MTHFD1: variants seen among roughly 807,000 people sequenced by gnomAD.
MTHFD1 encodes the protein C-1-tetrahydrofolate synthase, cytoplasmic.
In MTHFD1, 44 loss-of-function variants were observed where a neutral mutation model predicts 110.3. The observed-to-expected ratio is 0.40, with a 90% CI of 0.31 to 0.51. The LOEUF (loss-of-function observed/expected upper bound fraction) is 0.51. Ranked by LOEUF, MTHFD1 falls within the 20% of genes least tolerant of loss-of-function variation. The pLI, the probability that MTHFD1 is intolerant of heterozygous loss-of-function variation, is 0.60. For synonymous variants in MTHFD1, 402 were observed against 428.8 expected (o/e 0.94, Z 0.77); for missense variants, 909 against 1,173.1 (o/e 0.77, Z 3.29).
intron 26 of MTHFD1, 51 bp from the exon 27 acceptor site, chr14:64,458,163 G>T: frequency 1.4e-6 from 2 of 1,397,152 alleles, no homozygotes; most frequent in Non-Finnish European, 2.0e-6. Flanking sequence ...TTATAGGCGT[G>T]AGCCACTGTG....
At chr14:64,420,993 G>A (rs17824591) in intron 8 of MTHFD1, among the ~76,000 whole-genome samples, 23,333 of 152,138 alleles carry the variant, frequency 0.15, 2,224 homozygotes, top group Middle Eastern at 0.26. Flanking sequence ...AATCTTTAAC[G>A]GAGCAACTAC....
chr14:64,390,294 A>G (rs945422342), intron 1 of MTHFD1: 1 of 151,172 alleles, frequency 6.6e-6, no homozygotes, highest in South Asian at 2.1e-4. Context: ...TAGTTAATGT[A>G]TATATGAATG....
At chr14:64,432,730 C>T (rs1476850371) in intron 15 of MTHFD1, among the ~76,000 whole-genome samples, 1 of 152,128 alleles carries the variant, frequency 6.6e-6, no homozygotes, top group Non-Finnish European at 1.5e-5. Flanking sequence ...CATAAAGGAA[C>T]AGCAAAGGAG....
intron 7 of MTHFD1, among the ~76,000 whole-genome samples, chr14:64,418,522 G>A (rs2078044150): frequency 6.6e-6 from 1 of 150,742 alleles, no homozygotes; most frequent in Non-Finnish European, 1.5e-5. Context: ...TACAGAGTTT[G>A]TTCTGTGTAC....
At chr14:64,428,607 A>G (rs949649427) in intron 12 of MTHFD1, among the ~76,000 whole-genome samples, 2 of 146,344 alleles carry the variant, frequency 1.4e-5, no homozygotes, top group African/African-American at 5.1e-5. Flanking sequence ...GGGCTGGAGT[A>G]CAGTGGCACG....
intron 22 of MTHFD1, among the ~76,000 whole-genome samples, chr14:64,447,101 C>T (rs150478406): frequency 1.6e-4 from 24 of 150,886 alleles, no homozygotes; most frequent in African/African-American, 5.1e-4. Context: ...ATCTCAGCCT[C>T]GCAAAGTACT....
At chr14:64,441,276 A>G (rs11629354) in intron 18 of MTHFD1, 109 bp from the exon 19 acceptor site, 112,616 of 994,642 alleles carry the variant, frequency 0.11, 7,133 homozygotes, top group East Asian at 0.17. Context: ...GAAAGTATCA[A>G]TTGGTCCAAG....
In MTHFD1 at chr14:64,414,963, ACAGTCGTGAAC is replaced by A. The variant is rs562828075; in HGVS notation, c.241-392_241-382del. Among the ~76,000 whole-genome samples, 841 of 152,190 alleles carry A rather than the reference ACAGTCGTGAAC, an allele frequency of 5.5e-3. 9 individuals carry two copies. The highest frequency in any genetic ancestry group is 0.019 in the African/African-American group (800 of 41,512). On this transcript the variant is annotated intron_variant, in intron 4 of 27. Coordinates refer to ENST00000652337, the MANE Select transcript of MTHFD1 (RefSeq NM_005956.4). Reference sequence around the variant, plus strand: ...CTCAGCCTCCCAAAGTGCTGGAATTACAGTCGTGAACCACCGCACCCAGCCCCTGGCCCTAA... The same window carrying A: ...CTCAGCCTCCCAAAGTGCTGGAATTACACCGCACCCAGCCCCTGGCCCTAA...
At chr14:64,421,215 G>A (rs776004254) in intron 8 of MTHFD1, among the ~76,000 whole-genome samples, 1 of 152,066 alleles carries the variant, frequency 6.6e-6, no homozygotes, top group African/African-American at 2.4e-5. Context: ...TTTGTTGCAT[G>A]TGTCTCATGT....
intron 24 of MTHFD1, among the ~76,000 whole-genome samples, chr14:64,450,482 G>T (rs535053284): frequency 2.8e-4 from 42 of 152,174 alleles, no homozygotes; most frequent in African/African-American, 9.9e-4. Flanking sequence ...ATTACACCTG[G>T]TCTAAGTAGA....
At chr14:64,444,780 C>T in intron 22 of MTHFD1, 46 bp downstream of exon 22, 1 of 1,595,810 alleles carries the variant, frequency 6.3e-7, no homozygotes, top group Non-Finnish European at 8.6e-7. Context: ...AGCACCACAC[C>T]TTGAATCAGC....
intron 24 of MTHFD1, among the ~76,000 whole-genome samples, chr14:64,452,624 A>T (rs923911751): frequency 6.6e-6 from 1 of 152,222 alleles, no homozygotes; most frequent in East Asian, 1.9e-4. Context: ...GACATGCCCA[A>T]TGCGTGTTGA....
chr14:64,435,713 T>TG (rs747966943), intron 16 of MTHFD1, 42 bp downstream of exon 16: 173 of 1,129,040 alleles, frequency 1.5e-4, no homozygotes, highest in Non-Finnish European at 2.2e-4. Context: ...TTGGCTATAT[T>TG]GCACACCCTA....
Position 64,388,393 on chromosome 14 carries a change from T to A in MTHFD1, c.-35T>A. 1 of 1,614,148 alleles carries A rather than the reference T, an allele frequency of 6.2e-7. No individual in the cohort carries two copies. Among genetic ancestry groups the A allele is most frequent in the Non-Finnish European group, 8.5e-7 (1 of 1,180,028 alleles). On this transcript the variant is annotated 5_prime_UTR_variant, in exon 1 of 28. Transcript: ENST00000652337. ...GGAGGGAGTGGAACCTCGATATTGG[T>A]GGTGTCCATCGTGGGCAGCGGACTA... is the stretch of plus-strand genomic sequence containing the variant.
At position 64,415,679 on chromosome 14, in the gene MTHFD1, C is replaced by T; in HGVS notation, c.418C>T (p.Leu140Phe). 2 of 1,613,782 alleles carry T rather than the reference C, an allele frequency of 1.2e-6. No homozygotes were observed. Among genetic ancestry groups the T allele is most frequent in the Non-Finnish European group, 1.7e-6 (2 of 1,179,720 alleles). ...TGCTGGGAAACTTGCTAGAGGTGACCTCAATGACTGTTTCATTCCTTGTAC... is the reference window on the plus strand; with the variant it reads ...TGCTGGGAAACTTGCTAGAGGTGACTTCAATGACTGTTTCATTCCTTGTAC... ...INAGKLARGDLNDCFIPCTPK... is the reference protein window; with the variant it reads ...INAGKLARGDFNDCFIPCTPK... The change falls in exon 6 of 28, where the codon CTC (leucine) becomes TTC (phenylalanine). Residue 140 changes from leucine (L) to phenylalanine (F), a missense_variant. Physicochemically the swap from Leu to Phe is conservative, Grantham distance 22. Coordinates refer to ENST00000652337, the MANE Select transcript of MTHFD1 (RefSeq NM_005956.4).
chr14:64,453,485 C>T (rs1474127954), intron 24 of MTHFD1, among the ~76,000 whole-genome samples: 1 of 152,106 alleles, frequency 6.6e-6, no homozygotes, highest in Non-Finnish European at 1.5e-5. Flanking sequence ...GCAGGAGAAT[C>T]GCTTGAACCT....
At chr14:64,446,158 A>G (rs1175232655) in intron 22 of MTHFD1, among the ~76,000 whole-genome samples, 1 of 152,358 alleles carries the variant, frequency 6.6e-6, no homozygotes, top group Non-Finnish European at 1.5e-5. Context: ...ATAATTAAAC[A>G]TTATAAGAAT....
chr14:64,395,789 A>T (rs1038159825), intron 1 of MTHFD1, among the ~76,000 whole-genome samples: 1 of 152,144 alleles, frequency 6.6e-6, no homozygotes, highest in African/African-American at 2.4e-5. Flanking sequence ...ATAACAAAGG[A>T]TGATCTGGTC....
chr14:64,441,324 GT>G lies in MTHFD1; in HGVS notation c.1816-58del, dbSNP rs1014633222. The G allele has an allele frequency of 6.4e-5, 96 of 1,497,134 alleles. 1 individual carries two copies. In the African/African-American group the frequency reaches 1.0e-3, roughly 16 times the overall value. 92.7% of individuals were successfully genotyped at this position (1,497,134 alleles called of 1,614,324 possible). A position where few individuals can be genotyped will look rare whatever the true frequency, so the allele number is the denominator to read the frequency against. Reference sequence around the variant, plus strand: ...GGTAAGCCTAGAATGTCAAATATTGGTTTCAGAAGGTTGGGTTTTTTTGCTG... The same window carrying G: ...GGTAAGCCTAGAATGTCAAATATTGGTTCAGAAGGTTGGGTTTTTTTGCTG... On this transcript the variant is annotated intron_variant, in intron 18 of 27. Transcript: ENST00000652337.
Sources: allele counts gnomAD v4.1 joint callset (sites outside exome capture counted in the v4.1 genomes callset), GRCh38; gene constraint gnomAD v4.1.1; transcripts MANE v1.5; gene names NCBI Gene and HGNC (gene_info 2026-07-23, HGNC 2026-07-21).